LRRC18: variants seen among roughly 807,000 people sequenced by gnomAD.
LRRC18 encodes leucine-rich repeat-containing protein 18.
LRRC18 carries 12 observed loss-of-function variants against 11.2 expected under a neutral mutation model. The observed-to-expected ratio is 1.07, with a 90% CI of 0.69 to 1.74. The LOEUF is 1.74. LRRC18 is among the 40% of genes most tolerant of loss of function. LRRC18 has a pLI of 0.00. For synonymous variants in LRRC18, 155 were observed against 130.6 expected (o/e 1.19, Z -1.27); for missense variants, 374 against 330.5 (o/e 1.13, Z -1.02).
At chr10:48,938,250 C>T in the LRRC18 span, among the ~76,000 whole-genome samples, 1 of 152,260 alleles carries the variant, frequency 6.6e-6, no homozygotes, top group Non-Finnish European at 1.5e-5. Context: ...GATGTGTCTG[C>T]ATTAGCTCGG....
the LRRC18 span, among the ~76,000 whole-genome samples, chr10:48,935,673 A>T: frequency 6.6e-6 from 1 of 152,192 alleles, no homozygotes; most frequent in East Asian, 1.9e-4. Flanking sequence ...TTCTCTTTGC[A>T]CCCTTTTTCC....
upstream of LRRC18, among the ~76,000 whole-genome samples, chr10:48,919,230 T>C (rs1838831218): frequency 6.6e-6 from 1 of 151,536 alleles, no homozygotes; most frequent in Non-Finnish European, 1.5e-5. Context: ...AAAGGGAGGA[T>C]TTACTAAATC....
chr10:48,910,201 TAGCTGAG>T, exon 2 of LRRC18: 1 of 1,543,640 alleles, frequency 6.5e-7, no homozygotes, highest in Non-Finnish European at 9.0e-7. Flanking sequence ...TTTATTCTGT[TAGCTGAG>T]TAGTCTTCAA....
the LRRC18 span, among the ~76,000 whole-genome samples, chr10:48,920,274 C>A: frequency 0.64 from 96,174 of 151,426 alleles, 31,219 homozygotes; most frequent in East Asian, 1. Context: ...GGACAAAAAA[C>A]CAAATACCAC....
chr10:48,910,866 C>A (rs1303243649), intron 1 of LRRC18: 1 of 981,452 alleles, frequency 1.0e-6, no homozygotes, highest in Admixed American at 6.2e-5. Flanking sequence ...CGTGGACCAG[C>A]AAACCCTGGG....
At chr10:48,919,035 C>T (rs1434912688), upstream of LRRC18, among the ~76,000 whole-genome samples, 2 of 152,180 alleles carry the variant, frequency 1.3e-5, no homozygotes, top group African/African-American at 4.8e-5. Flanking sequence ...TTTTCAAGTA[C>T]ATATGGAATA....
At chr10:48,927,969 C>G in the LRRC18 span, among the ~76,000 whole-genome samples, 1 of 152,218 alleles carries the variant, frequency 6.6e-6, no homozygotes, top group Non-Finnish European at 1.5e-5. Flanking sequence ...AACACACAAA[C>G]CAACCTCAAG....
At chr10:48,933,232 G>A in the LRRC18 span, among the ~76,000 whole-genome samples, 1 of 150,652 alleles carries the variant, frequency 6.6e-6, no homozygotes, top group Non-Finnish European at 1.5e-5. Flanking sequence ...ACTGCTAGAG[G>A]GGCCTAGCAC....
At chr10:48,939,591 T>C in the LRRC18 span, among the ~76,000 whole-genome samples, 1 of 152,234 alleles carries the variant, frequency 6.6e-6, no homozygotes, top group East Asian at 1.9e-4. Context: ...ATGATAATGA[T>C]GGATGATGGA....
the LRRC18 span, among the ~76,000 whole-genome samples, chr10:48,925,976 C>T: frequency 6.6e-6 from 1 of 151,990 alleles, no homozygotes; most frequent in Non-Finnish European, 1.5e-5. Flanking sequence ...AGTGACTTCC[C>T]CAAAGTCACA....
At chr10:48,924,961 T>C in the LRRC18 span, among the ~76,000 whole-genome samples, 1 of 152,232 alleles carries the variant, frequency 6.6e-6, no homozygotes, top group Admixed American at 6.5e-5. Flanking sequence ...TTCTTTCAAC[T>C]GATCCATTGA....
the LRRC18 span, among the ~76,000 whole-genome samples, chr10:48,931,715 T>C: frequency 2.0e-5 from 3 of 152,218 alleles, no homozygotes; most frequent in Non-Finnish European, 2.9e-5. Context: ...AATCCTAAAT[T>C]TCTTCTGTAG....
At chr10:48,926,928 G>C in the LRRC18 span, among the ~76,000 whole-genome samples, 10 of 152,302 alleles carry the variant, frequency 6.6e-5, no homozygotes, top group East Asian at 1.4e-3. Context: ...CAGTGTGAAC[G>C]CCTTGCCACA....
chr10:48,923,506 A>ATATATATATATATGTATGTATG, the LRRC18 span, among the ~76,000 whole-genome samples: 91 of 113,872 alleles, frequency 8.0e-4, 3 homozygotes, highest in East Asian at 5.9e-3. Context: ...GTATATATAT[A>ATATATATATATATGTATGTATG]TATATATGTC....
At chr10:48,927,172 C>T in the LRRC18 span, among the ~76,000 whole-genome samples, 1 of 152,158 alleles carries the variant, frequency 6.6e-6, no homozygotes, top group Admixed American at 6.5e-5. Context: ...AGTACTTCTG[C>T]TGTTGCCAAA....
chr10:48,919,601 G>C, the LRRC18 span, among the ~76,000 whole-genome samples: 2 of 152,218 alleles, frequency 1.3e-5, no homozygotes, highest in Non-Finnish European at 2.9e-5. Context: ...CATCTGGTAA[G>C]AGCATGCTAC....
the LRRC18 span, among the ~76,000 whole-genome samples, chr10:48,921,043 G>T: frequency 1.3e-5 from 2 of 152,120 alleles, no homozygotes; most frequent in South Asian, 4.1e-4. Context: ...TTCGTGAATT[G>T]GATGACTTAA....
At chr10:48,930,006 T>A in the LRRC18 span, among the ~76,000 whole-genome samples, 1 of 152,314 alleles carries the variant, frequency 6.6e-6, no homozygotes, top group Non-Finnish European at 1.5e-5. Context: ...TTGCATTTAT[T>A]ATCTATCCCC....
chr10:48,910,678 T>A (rs1000663222), intron 1 of LRRC18, among the ~76,000 whole-genome samples: 3 of 152,154 alleles, frequency 2.0e-5, no homozygotes, highest in African/African-American at 7.2e-5. Flanking sequence ...TATGTCTCAA[T>A]CCTGGTAAAG....
Sources: allele counts gnomAD v4.1 joint callset (sites outside exome capture counted in the v4.1 genomes callset), GRCh38; gene constraint gnomAD v4.1.1; transcripts MANE v1.5; gene names NCBI Gene and HGNC (gene_info 2026-07-23, HGNC 2026-07-21).